EXOC6B: variants seen among roughly 807,000 people sequenced by gnomAD.
EXOC6B encodes the protein SEC15 homolog B.
EXOC6B carries 54 observed loss-of-function variants against 113.5 expected under a neutral mutation model. The ratio of observed to expected loss-of-function variants is 0.48; its 90% CI spans 0.38 to 0.60. The LOEUF is 0.60. Among genes scored for constraint, EXOC6B ranks in the 20% least tolerant of loss-of-function variants. EXOC6B has a pLI of 0.00. For synonymous variants in EXOC6B, 357 were observed against 339.0 expected (o/e 1.05, Z -0.58); for missense variants, 797 against 977.5 (o/e 0.82, Z 2.46).
intron 20 of EXOC6B, among the ~76,000 whole-genome samples, chr2:72,202,752 T>A (rs2104341925): frequency 6.6e-6 from 1 of 152,350 alleles, no homozygotes; most frequent in East Asian, 1.9e-4. Context: ...TCTCCTTGAC[T>A]AGTCCTTCTC....
intron 20 of EXOC6B, among the ~76,000 whole-genome samples, chr2:72,270,008 G>A (rs139944267): frequency 7.2e-5 from 11 of 152,222 alleles, no homozygotes; most frequent in African/African-American, 2.6e-4. Flanking sequence ...CAGGATGTGA[G>A]GTGGTAAACA....
intron 19 of EXOC6B, among the ~76,000 whole-genome samples, chr2:72,342,437 G>A (rs761656450): frequency 4.3e-4 from 66 of 152,144 alleles, no homozygotes; most frequent in Middle Eastern, 3.4e-3. Flanking sequence ...GAAATAGTGC[G>A]CAAAATCAAA....
intron 20 of EXOC6B, among the ~76,000 whole-genome samples, chr2:72,196,080 G>C (rs1047309993): frequency 2.6e-5 from 4 of 152,082 alleles, no homozygotes; most frequent in African/African-American, 9.7e-5. Context: ...TATATTAGGG[G>C]TCAGCCCTTA....
intron 18 of EXOC6B, among the ~76,000 whole-genome samples, chr2:72,384,542 A>T (rs1162008822): frequency 1.3e-5 from 2 of 152,146 alleles, no homozygotes; most frequent in Admixed American, 6.6e-5. Flanking sequence ...AGAAAGAAAT[A>T]AAAAGCATCC....
At chr2:72,546,643 A>C (rs1215042594) in intron 8 of EXOC6B, among the ~76,000 whole-genome samples, 1 of 152,230 alleles carries the variant, frequency 6.6e-6, no homozygotes, top group Non-Finnish European at 1.5e-5. Context: ...TCTGCTCTGC[A>C]TCCCTTTAAG....
chr2:72,591,673 A>G (rs967043496), intron 6 of EXOC6B, among the ~76,000 whole-genome samples: 1 of 152,154 alleles, frequency 6.6e-6, no homozygotes, highest in African/African-American at 2.4e-5. Context: ...GTTTCTCAAG[A>G]TATTAAAGGT....
chr2:72,317,908 G>A (rs1172172724), intron 20 of EXOC6B, among the ~76,000 whole-genome samples: 6 of 152,122 alleles, frequency 3.9e-5, no homozygotes, highest in Non-Finnish European at 5.9e-5. Flanking sequence ...AAGCATCAAA[G>A]CTCTGGAAAG....
At chr2:72,294,160 T>G (rs1050970630) in intron 20 of EXOC6B, among the ~76,000 whole-genome samples, 13 of 150,230 alleles carry the variant, frequency 8.7e-5, no homozygotes, top group Non-Finnish European at 1.8e-4. Context: ...ACAACAGATA[T>G]AAAGTACAAG....
intron 6 of EXOC6B, among the ~76,000 whole-genome samples, chr2:72,708,069 G>C (rs1679003880): frequency 6.6e-6 from 1 of 151,750 alleles, no homozygotes; most frequent in African/African-American, 2.4e-5. Flanking sequence ...AAAAAATTTA[G>C]AAAATAAAAC....
At chr2:72,431,378 C>G (rs995783560) in intron 18 of EXOC6B, among the ~76,000 whole-genome samples, 1 of 152,088 alleles carries the variant, frequency 6.6e-6, no homozygotes, top group African/African-American at 2.4e-5. Context: ...GTGGCACAAT[C>G]ACAGCTCACT....
chr2:72,463,604 G>A (rs768995665), intron 18 of EXOC6B: 1 of 152,092 alleles, frequency 6.6e-6, no homozygotes, highest in Admixed American at 6.6e-5. Flanking sequence ...ACAGTTAGAG[G>A]TTTGAGGACT....
chr2:72,288,525 G>T (rs187313886), intron 20 of EXOC6B, among the ~76,000 whole-genome samples: 1 of 152,112 alleles, frequency 6.6e-6, no homozygotes, highest in Non-Finnish European at 1.5e-5. Flanking sequence ...ACAGCAATGA[G>T]AAAGAATAAA....
At chr2:72,428,602 A>G (rs1009178864) in intron 18 of EXOC6B, among the ~76,000 whole-genome samples, 1 of 152,210 alleles carries the variant, frequency 6.6e-6, no homozygotes, top group Non-Finnish European at 1.5e-5. Flanking sequence ...CATGGGATCC[A>G]GATCAGTAGC....
intron 6 of EXOC6B, among the ~76,000 whole-genome samples, chr2:72,660,360 TAAG>T (rs1045991419): frequency 6.6e-6 from 1 of 152,174 alleles, no homozygotes; most frequent in Non-Finnish European, 1.5e-5. Context: ...CCTAAATTAA[TAAG>T]AACAGTATAG....
At chr2:72,646,112 C>A (rs1017923564) in intron 6 of EXOC6B, among the ~76,000 whole-genome samples, 1 of 151,888 alleles carries the variant, frequency 6.6e-6, no homozygotes, top group Non-Finnish European at 1.5e-5. Context: ...AAAGGGGATA[C>A]CACCACAGAT....
At chr2:72,314,781 A>C (rs1330623877) in intron 20 of EXOC6B, among the ~76,000 whole-genome samples, 1 of 152,194 alleles carries the variant, frequency 6.6e-6, no homozygotes, top group Non-Finnish European at 1.5e-5. Context: ...TCATGCCTAA[A>C]GTTTATTAAC....
At chr2:72,497,678 C>T (rs569889615) in intron 13 of EXOC6B, among the ~76,000 whole-genome samples, 9 of 151,670 alleles carry the variant, frequency 5.9e-5, no homozygotes, top group Admixed American at 3.3e-4. Context: ...TGTTCATAAA[C>T]GAGAAGAGTA....
At chr2:72,519,561 A>G (rs567680314) in intron 8 of EXOC6B, among the ~76,000 whole-genome samples, 1 of 152,294 alleles carries the variant, frequency 6.6e-6, no homozygotes, top group Admixed American at 6.5e-5. Flanking sequence ...CTCATAAATC[A>G]AGGTTATGCA....
intron 2 of EXOC6B, among the ~76,000 whole-genome samples, chr2:72,734,115 C>T (rs187076512): frequency 1.3e-5 from 2 of 152,136 alleles, no homozygotes; most frequent in African/African-American, 2.4e-5. Flanking sequence ...TAACGTAATA[C>T]CCTTTAACTG....
Sources: gnomAD v4.1 joint callset for allele counts (sites outside exome capture counted in the v4.1 genomes callset) on GRCh38, gnomAD v4.1.1 for gene constraint, MANE v1.5 for transcripts, NCBI Gene and HGNC (gene_info 2026-07-23, HGNC 2026-07-21) for gene names.